The following WWTR1 variants were observed in gnomAD, a reference collection of about 807,000 sequenced individuals.
WWTR1 encodes WW domain-containing transcription regulator protein 1.
A neutral mutation model predicts 40.1 loss-of-function variants in WWTR1; 13 were observed. The ratio of observed to expected loss-of-function variants is 0.32; its 90% confidence interval spans 0.21 to 0.52. WWTR1 has a LOEUF of 0.52. Ranked by LOEUF, WWTR1 falls within the 20% of genes least tolerant of loss-of-function variation. The pLI, the probability that WWTR1 is intolerant of heterozygous loss-of-function variation, is 0.97. For missense variants in WWTR1, 436 were observed against 523.1 expected, an observed-to-expected ratio of 0.83 and a Z score of 1.63; for synonymous variants, 230 against 210.1, an observed-to-expected ratio of 1.09 and a Z score of -0.82.
intron 2 of WWTR1, among the ~76,000 whole-genome samples, chr3:149,627,701 T>C (rs1740633521): frequency 6.6e-6 from 1 of 152,142 alleles, no homozygotes; most frequent in South Asian, 2.1e-4. Context: ...CTCCTTCCCT[T>C]CTCCTTATAT....
chr3:149,625,117 TTTTG>T (rs1367751124), intron 2 of WWTR1, among the ~76,000 whole-genome samples: 1 of 148,422 alleles, frequency 6.7e-6, no homozygotes, highest in African/African-American at 2.5e-5. Flanking sequence ...TTTTTTTTTT[TTTTG>T]GTTTTTTTGG....
At chr3:149,648,019 C>CACA (rs1712634503) in intron 2 of WWTR1, among the ~76,000 whole-genome samples, 1 of 152,212 alleles carries the variant, frequency 6.6e-6, no homozygotes, top group Non-Finnish European at 1.5e-5. Context: ...ATTTCTGCCT[C>CACA]TATACCTCTC....
At chr3:149,565,309 T>A (rs907336300) in intron 3 of WWTR1, among the ~76,000 whole-genome samples, 2 of 146,492 alleles carry the variant, frequency 1.4e-5, no homozygotes, top group African/African-American at 4.9e-5. Context: ...GCATACTACT[T>A]TTTTTTTTTA....
At chr3:149,546,978 T>A (rs1736392633) in intron 3 of WWTR1, among the ~76,000 whole-genome samples, 1 of 152,092 alleles carries the variant, frequency 6.6e-6, no homozygotes, top group Non-Finnish European at 1.5e-5. Flanking sequence ...CTATGCTCCC[T>A]CTAGTTGTTT....
chr3:149,719,501 A>G (rs974782695), intron 4 of WWTR1, among the ~76,000 whole-genome samples: 1 of 152,158 alleles, frequency 6.6e-6, no homozygotes, highest in Non-Finnish European at 1.5e-5. Flanking sequence ...TTGTAAGTAT[A>G]TATCACATTT....
intron 1 of WWTR1, among the ~76,000 whole-genome samples, chr3:149,701,151 C>CT (rs1472910541): frequency 4.0e-5 from 6 of 150,910 alleles, no homozygotes; most frequent in Non-Finnish European, 8.9e-5. Flanking sequence ...TTTTTCTTTT[C>CT]TTTTTTTAGG....
upstream of WWTR1, chr3:149,703,466 T>G (rs1715256281): frequency 2.0e-5 from 3 of 152,236 alleles, no homozygotes; most frequent in Admixed American, 1.3e-4. Flanking sequence ...AAAGCTATTC[T>G]CAGGCACATT....
chr3:149,682,059 A>T (rs547450868), intron 1 of WWTR1, among the ~76,000 whole-genome samples: 9 of 143,052 alleles, frequency 6.3e-5, no homozygotes, highest in Non-Finnish European at 1.1e-4. Context: ...ACAGTAAAAT[A>T]AAAATTAAAT....
rs149553761 is a variant in WWTR1 at position 149,713,407 on chromosome 3, G to A, written n.584+4035C>T. On this transcript the variant is annotated intron_variant and non_coding_transcript_variant, in intron 5 of 6. Coordinates refer to the WWTR1 transcript ENST00000474080. The stretch of plus-strand genomic sequence containing the variant: ...TTTGTTTTTATTTTTTTGAGACGGC[G>A]TCTCGCTCTGTTGCCCAGGCTGGAG... 8.5e-3 allele frequency among the ~76,000 whole-genome samples: 1,279 copies of A among 151,092 alleles called. 16 individuals carry two copies. Among genetic ancestry groups the A allele is most frequent in the African/African-American group, 0.027 (1,102 of 41,076 alleles).
intron 1 of WWTR1, among the ~76,000 whole-genome samples, chr3:149,674,759 G>T (rs1714206748): frequency 6.6e-6 from 1 of 152,108 alleles, no homozygotes. Context: ...TTAAGCAAAA[G>T]AGGTGTTTAG....
chr3:149,640,118 T>G (rs1313477109), intron 2 of WWTR1, among the ~76,000 whole-genome samples: 1 of 152,184 alleles, frequency 6.6e-6, no homozygotes, highest in Non-Finnish European at 1.5e-5. Flanking sequence ...AGCCCACTTT[T>G]CACAAGAATT....
intron 2 of WWTR1, among the ~76,000 whole-genome samples, chr3:149,644,656 C>A (rs1712382707): frequency 6.6e-6 from 1 of 152,206 alleles, no homozygotes; most frequent in Non-Finnish European, 1.5e-5. Context: ...GTAACAGAGA[C>A]TTCCCACAAT....
chr3:149,700,778 T>C (rs1246417823), intron 1 of WWTR1, among the ~76,000 whole-genome samples: 1 of 152,138 alleles, frequency 6.6e-6, no homozygotes, highest in Non-Finnish European at 1.5e-5. Flanking sequence ...GCATCCTTCA[T>C]AACCCTTGGA....
chr3:149,716,777 A>G (rs1715614987), intron 5 of WWTR1, among the ~76,000 whole-genome samples: 2 of 152,146 alleles, frequency 1.3e-5, no homozygotes, highest in African/African-American at 2.4e-5. Context: ...TGTGTAGTTT[A>G]GGATATGTCC....
At chr3:149,620,015 C>G (rs1257711263) in intron 2 of WWTR1, among the ~76,000 whole-genome samples, 1 of 152,206 alleles carries the variant, frequency 6.6e-6, no homozygotes, top group Non-Finnish European at 1.5e-5. Flanking sequence ...CATTTAACAT[C>G]TACACGCTTT....
At chr3:149,633,535 T>C (rs1409943830) in intron 2 of WWTR1, among the ~76,000 whole-genome samples, 1 of 152,228 alleles carries the variant, frequency 6.6e-6, no homozygotes, top group Non-Finnish European at 1.5e-5. Flanking sequence ...CTAATCCCAG[T>C]ACTCAACAAT....
chr3:149,657,615 C>A, intron 1 of WWTR1, 150 bp downstream of exon 1: 1 of 325,220 alleles, frequency 3.1e-6, no homozygotes, highest in Non-Finnish European at 5.7e-6. Flanking sequence ...CGCAGGATGG[C>A]AAAGGAAAGG....
chr3:149,603,044 G>A (rs981560691), intron 2 of WWTR1, among the ~76,000 whole-genome samples: 2 of 152,148 alleles, frequency 1.3e-5, no homozygotes, highest in African/African-American at 4.8e-5. Context: ...GGTTTCAACT[G>A]TAGAAATCTA....
chr3:149,704,151 C>A (rs1487050921), upstream of WWTR1, among the ~76,000 whole-genome samples: 2 of 152,058 alleles, frequency 1.3e-5, no homozygotes, highest in African/African-American at 4.8e-5. Context: ...CCAAGAATAT[C>A]TTTTTAAAAA....
Sources: allele counts gnomAD v4.1 joint callset (sites outside exome capture counted in the v4.1 genomes callset), GRCh38; gene constraint gnomAD v4.1.1; transcripts MANE v1.5; gene names NCBI Gene and HGNC (gene_info 2026-07-23, HGNC 2026-07-21).